Variants in ATG5 observed in about 807,000 individuals in gnomAD.
ATG5 encodes the protein autophagy related 5, also known as autophagy protein 5.
In ATG5, 14 loss-of-function variants were observed where a neutral mutation model predicts 36.5. That is an observed-to-expected ratio of 0.38 (90% CI 0.25 to 0.60). ATG5 has a LOEUF of 0.60. Ranked by LOEUF, ATG5 falls within the 20% of genes least tolerant of loss-of-function variation. The pLI is 0.60. For synonymous variants in ATG5, 95 were observed against 101.5 expected (o/e 0.94, Z 0.38); for missense variants, 195 against 326.7 (o/e 0.60, Z 3.11).
chr6:106,324,221 A>G (rs574480601), intron 1 of ATG5, among the ~76,000 whole-genome samples: 1 of 152,236 alleles, frequency 6.6e-6, no homozygotes, highest in African/African-American at 2.4e-5. Context: ...CTGAACATGT[A>G]TAGACTCTTT....
chr6:106,213,690 A>G (rs1241156292), intron 6 of ATG5, among the ~76,000 whole-genome samples: 1 of 152,170 alleles, frequency 6.6e-6, no homozygotes, highest in Non-Finnish European at 1.5e-5. Flanking sequence ...GGAAATAACA[A>G]AGGTTTGGTT....
At chr6:106,297,743 CACACACACACACACACACACACAT>C (rs1770019285) in intron 3 of ATG5, among the ~76,000 whole-genome samples, 6 of 147,428 alleles carry the variant, frequency 4.1e-5, no homozygotes, top group Admixed American at 3.6e-4. Context: ...CACACACACA[CACACACACACACACACACACACAT>C]ATATATTTTA....
chr6:106,210,648 A>C (rs1257292029), intron 6 of ATG5, among the ~76,000 whole-genome samples: 1 of 152,234 alleles, frequency 6.6e-6, no homozygotes, highest in Non-Finnish European at 1.5e-5. Context: ...CTTGATGACG[A>C]TGGATTCAGC....
intron 6 of ATG5, among the ~76,000 whole-genome samples, chr6:106,244,289 T>C (rs1221648308): frequency 1.3e-5 from 2 of 152,304 alleles, no homozygotes; most frequent in South Asian, 4.1e-4. Flanking sequence ...GATGACTGAA[T>C]GATCTTTGTT....
chr6:106,209,822 T>C (rs989730890), intron 6 of ATG5, among the ~76,000 whole-genome samples: 7 of 152,220 alleles, frequency 4.6e-5, no homozygotes, highest in African/African-American at 1.7e-4. Context: ...TACAATTGCA[T>C]GTGAATCTGT....
At chr6:106,209,246 G>A (rs1272607489) in intron 6 of ATG5, among the ~76,000 whole-genome samples, 2 of 152,142 alleles carry the variant, frequency 1.3e-5, no homozygotes, top group Admixed American at 6.5e-5. Context: ...TTTTATTCGT[G>A]AGAGTCAAAA....
chr6:106,222,136 G>C (rs1441907884), intron 6 of ATG5, among the ~76,000 whole-genome samples: 1 of 152,088 alleles, frequency 6.6e-6, no homozygotes. Context: ...AACTCCCAAA[G>C]TGCTAGGATT....
intron 5 of ATG5, among the ~76,000 whole-genome samples, chr6:106,277,119 G>C (rs774005583): frequency 2.6e-5 from 4 of 152,156 alleles, no homozygotes; most frequent in African/African-American, 9.7e-5. Context: ...TGCCTTACTT[G>C]CTCTTGATAC....
At position 106,316,098 on chromosome 6, in the gene ATG5, T is replaced by G; in HGVS notation, c.108+3A>C. 1 of 1,607,776 alleles carries G rather than the reference T, an allele frequency of 6.2e-7. No homozygotes were observed. The highest frequency in any genetic ancestry group is 8.5e-7 in the Non-Finnish European group (1 of 1,176,040). On this transcript the variant is annotated splice_donor_region_variant and intron_variant, in intron 2 of 7. Coordinates refer to ENST00000369076, the MANE Select transcript of ATG5 (RefSeq NM_004849.4). ...TCCCATTTGCCACAATCAATGTACT[T>G]ACATAGTATGGTTCTGCTTCCCTTT... is the stretch of plus-strand genomic sequence containing the variant.
intron 5 of ATG5, among the ~76,000 whole-genome samples, chr6:106,258,385 G>GGCTAGTCAAAAGT (rs1221443005): frequency 2.0e-5 from 3 of 151,640 alleles, no homozygotes; most frequent in African/African-American, 7.3e-5. Context: ...AAAAAAAAAA[G>GGCTAGTCAAAAGT]GCTAGTCAAA....
intron 6 of ATG5, among the ~76,000 whole-genome samples, chr6:106,213,680 G>A (rs758115674): frequency 1.2e-4 from 18 of 152,050 alleles, no homozygotes; most frequent in Non-Finnish European, 1.9e-4. Context: ...CAAATGTAGT[G>A]GAAATAACAA....
At chr6:106,263,043 C>G (rs1163449428) in intron 5 of ATG5, among the ~76,000 whole-genome samples, 3 of 152,202 alleles carry the variant, frequency 2.0e-5, no homozygotes, top group African/African-American at 4.8e-5. Flanking sequence ...GTCAAGTGGT[C>G]TCGCTCAGTG....
intron 5 of ATG5, among the ~76,000 whole-genome samples, chr6:106,250,683 T>G (rs1337988547): frequency 1.3e-5 from 2 of 152,242 alleles, no homozygotes; most frequent in Non-Finnish European, 2.9e-5. Context: ...AAAATTTTAC[T>G]TTGCTGCCTT....
At chr6:106,312,546 GA>G (rs973680476) in intron 2 of ATG5, among the ~76,000 whole-genome samples, 3 of 150,360 alleles carry the variant, frequency 2.0e-5, no homozygotes, top group African/African-American at 7.3e-5. Flanking sequence ...AAAGTGAAGT[GA>G]AAAAAAAGAA....
chr6:106,214,543 T>C (rs1457415416), intron 6 of ATG5, among the ~76,000 whole-genome samples: 1 of 152,204 alleles, frequency 6.6e-6, no homozygotes, highest in Non-Finnish European at 1.5e-5. Flanking sequence ...TAATTGATAC[T>C]ATGATTAAAT....
intron 6 of ATG5, among the ~76,000 whole-genome samples, chr6:106,240,342 TA>T (rs1397946607): frequency 1.3e-5 from 2 of 148,432 alleles, no homozygotes; most frequent in Admixed American, 1.3e-4. Context: ...ATATCTTTAA[TA>T]TATTTATAGA....
intron 2 of ATG5, among the ~76,000 whole-genome samples, chr6:106,315,015 T>C (rs1413204401): frequency 6.6e-6 from 1 of 152,208 alleles, no homozygotes; most frequent in Non-Finnish European, 1.5e-5. Flanking sequence ...GAAACATTCA[T>C]GCACCGAGTA....
intron 6 of ATG5, among the ~76,000 whole-genome samples, chr6:106,222,815 GACAGTA>G (rs541555387): frequency 2.6e-4 from 39 of 152,206 alleles, no homozygotes; most frequent in African/African-American, 9.4e-4. Context: ...ATATAAAGGG[GACAGTA>G]ACAGCATTTA....
At chr6:106,229,166 T>G (rs1345659921) in intron 6 of ATG5, among the ~76,000 whole-genome samples, 1 of 152,228 alleles carries the variant, frequency 6.6e-6, no homozygotes, top group Non-Finnish European at 1.5e-5. Context: ...AGACTTTCAT[T>G]TCCTCTAGCA....
Sources: gnomAD v4.1 joint callset for allele counts (sites outside exome capture counted in the v4.1 genomes callset) on GRCh38, gnomAD v4.1.1 for gene constraint, MANE v1.5 for transcripts, NCBI Gene and HGNC (gene_info 2026-07-23, HGNC 2026-07-21) for gene names.